The following ALCAM variants were observed in gnomAD, a reference collection of about 807,000 sequenced individuals.
The protein encoded by ALCAM is CD166 antigen.
Under a neutral mutation model 70.9 loss-of-function variants are expected in ALCAM, and 30 were observed. The ratio of observed to expected loss-of-function variants is 0.42; its 90% CI spans 0.32 to 0.57. The LOEUF is 0.57. Among genes scored for constraint, ALCAM ranks in the 20% least tolerant of loss-of-function variants. The probability of loss-of-function intolerance (pLI) is 0.11; values close to 1 mark genes in which losing one functional copy is unlikely to be tolerated. For synonymous variants in ALCAM, 249 were observed against 242.5 expected, an observed-to-expected ratio of 1.03 and a Z score of -0.25; for missense variants, 591 against 695.1, an observed-to-expected ratio of 0.85 and a Z score of 1.68.
At chr3:105,483,593 G>T (rs1938336260) in intron 1 of ALCAM, among the ~76,000 whole-genome samples, 1 of 152,106 alleles carries the variant, frequency 6.6e-6, no homozygotes, top group African/African-American at 2.4e-5. Context: ...AGGTGAAAAA[G>T]ATTTGTGAGC....
chr3:105,420,508 T>C (rs919642503), intron 1 of ALCAM, among the ~76,000 whole-genome samples: 1 of 151,724 alleles, frequency 6.6e-6, no homozygotes, highest in African/African-American at 2.4e-5. Flanking sequence ...ATGAATTGCT[T>C]TGCTAGATGA....
intron 1 of ALCAM, among the ~76,000 whole-genome samples, chr3:105,514,236 T>C (rs1939321668): frequency 6.6e-6 from 1 of 151,982 alleles, no homozygotes; most frequent in Non-Finnish European, 1.5e-5. Context: ...ACTTGCCCTG[T>C]AGCAGGTGTC....
chr3:105,559,863 G>T (rs1275144230), intron 14 of ALCAM, among the ~76,000 whole-genome samples: 4 of 152,076 alleles, frequency 2.6e-5, no homozygotes, highest in Non-Finnish European at 5.9e-5. Context: ...ATGTTTTTGA[G>T]ATTTATTCAT....
intron 6 of ALCAM, among the ~76,000 whole-genome samples, chr3:105,536,549 G>A (rs1293075985): frequency 4.6e-5 from 7 of 152,312 alleles, no homozygotes; most frequent in Non-Finnish European, 8.8e-5. Context: ...GGCATGCAGA[G>A]TTGGGTAGAC....
At chr3:105,494,209 G>A (rs1576200308) in intron 1 of ALCAM, among the ~76,000 whole-genome samples, 3 of 152,252 alleles carry the variant, frequency 2.0e-5, no homozygotes, top group African/African-American at 7.2e-5. Flanking sequence ...TATACTTTGT[G>A]TAAAATTAGT....
At chr3:105,395,108 T>C (rs1441601271) in intron 1 of ALCAM, among the ~76,000 whole-genome samples, 1 of 152,004 alleles carries the variant, frequency 6.6e-6, no homozygotes, top group African/African-American at 2.4e-5. Context: ...TTAATCAACA[T>C]GTATGATTTG....
chr3:105,565,435 T>C (rs1210376987), intron 14 of ALCAM, among the ~76,000 whole-genome samples: 1 of 152,204 alleles, frequency 6.6e-6, no homozygotes, highest in Non-Finnish European at 1.5e-5. Flanking sequence ...ATACATGAAA[T>C]TATCATTTCT....
chr3:105,544,261 T>A (rs1371814609), intron 8 of ALCAM, among the ~76,000 whole-genome samples: 1 of 151,572 alleles, frequency 6.6e-6, no homozygotes, highest in East Asian at 1.9e-4. Context: ...TTCTCATCTC[T>A]TCGCCTTTGC....
Position 105,573,048 on chromosome 3 carries a change from T to A in ALCAM, c.*25+1084T>A, listed in dbSNP as rs201176386. On this transcript the variant is annotated intron_variant, in intron 15 of 15. Coordinates refer to ENST00000306107, the MANE Select transcript of ALCAM (RefSeq NM_001627.4). ...AAATATGAAAATTTTAGGCCAGGTA[T>A]AGGCAATGGCTCACGCCTGTAATCC... Among the ~76,000 whole-genome samples the A allele has an allele frequency of 2.0e-5, 3 of 152,174 alleles. No homozygotes were observed. The East Asian group carries it at 5.8e-4, about 29-fold the overall frequency.
intron 14 of ALCAM, among the ~76,000 whole-genome samples, chr3:105,558,277 C>T (rs536713550): frequency 6.6e-6 from 1 of 152,252 alleles, no homozygotes; most frequent in Admixed American, 6.5e-5. Context: ...CTCACACCCG[C>T]TCTAAGAGAA....
chr3:105,480,144 G>C (rs1262400089), intron 1 of ALCAM, among the ~76,000 whole-genome samples: 1 of 152,074 alleles, frequency 6.6e-6, no homozygotes, highest in East Asian at 1.9e-4. Context: ...GAGGTCTGGA[G>C]TTTGAGACCA....
At chr3:105,413,369 T>A (rs1025901976) in intron 1 of ALCAM, among the ~76,000 whole-genome samples, 2 of 152,156 alleles carry the variant, frequency 1.3e-5, no homozygotes, top group Admixed American at 1.3e-4. Flanking sequence ...TTTCTTCTGA[T>A]GTTAAATTTC....
chr3:105,507,460 T>G (rs1043798639), intron 1 of ALCAM, among the ~76,000 whole-genome samples: 2 of 152,176 alleles, frequency 1.3e-5, no homozygotes, highest in African/African-American at 2.4e-5. Context: ...CAACCACTGG[T>G]CTCTTTACTA....
intron 1 of ALCAM, among the ~76,000 whole-genome samples, chr3:105,503,436 C>A (rs560652678): frequency 1.1e-4 from 17 of 152,142 alleles, no homozygotes; most frequent in Non-Finnish European, 1.9e-4. Context: ...AGGCTCATAT[C>A]GATTCTACTT....
intron 1 of ALCAM, among the ~76,000 whole-genome samples, chr3:105,412,622 G>A (rs527301058): frequency 7.2e-5 from 11 of 152,200 alleles, no homozygotes; most frequent in Admixed American, 2.6e-4. Flanking sequence ...TTACACGTGA[G>A]ATGATTTACA....
rs142814330 is a variant in ALCAM, at chr3:105,396,882, A to G, written c.73+29401A>G. Among the ~76,000 whole-genome samples, 78 of 152,230 alleles carry G rather than the reference A, an allele frequency of 5.1e-4. No individual in the cohort carries two copies. In the East Asian group the frequency reaches 0.014, roughly 26 times the overall value. On this transcript the variant is annotated intron_variant, in intron 1 of 15. Coordinates refer to ENST00000306107, the MANE Select transcript of ALCAM (RefSeq NM_001627.4). ...GAGATAGTAATTTTTCATAAAAAGC[A>G]TATGTATACTTTTAGGTGGCATGAA...
At chr3:105,531,853 C>T in intron 3 of ALCAM, 149 bp from the exon 4 acceptor site, 1 of 726,912 alleles carries the variant, frequency 1.4e-6, no homozygotes, top group Non-Finnish European at 2.4e-6. Flanking sequence ...TATAGATTCC[C>T]CAAATCCAGA....
intron 1 of ALCAM, among the ~76,000 whole-genome samples, chr3:105,470,910 G>A (rs1389083140): frequency 1.3e-5 from 2 of 151,220 alleles, no homozygotes; most frequent in African/African-American, 4.8e-5. Flanking sequence ...TTAAATTCAT[G>A]AGGAAATTTA....
At chr3:105,537,292 T>G (rs374884740) in intron 6 of ALCAM, among the ~76,000 whole-genome samples, 95 of 152,132 alleles carry the variant, frequency 6.2e-4, no homozygotes, top group African/African-American at 2.2e-3. Context: ...GATTTCAAAG[T>G]AGTATTTTTC....
Sources: allele counts gnomAD v4.1 joint callset (sites outside exome capture counted in the v4.1 genomes callset), GRCh38; gene constraint gnomAD v4.1.1; transcripts MANE v1.5; gene names NCBI Gene and HGNC (gene_info 2026-07-23, HGNC 2026-07-21).